USP18: variants seen among roughly 807,000 people sequenced by gnomAD.
USP18 encodes ubl carboxyl-terminal hydrolase 18.
USP18 carries 11 observed loss-of-function variants against 48.7 expected under a neutral mutation model. The observed-to-expected ratio is 0.23, with a 90% confidence interval of 0.14 to 0.37. The LOEUF (loss-of-function observed/expected upper bound fraction) is 0.37, where lower values mean the gene tolerates loss of function less well. Ranked by LOEUF, USP18 falls within the 10% of genes least tolerant of loss-of-function variation. The pLI is 1.00. For missense variants in USP18, 285 were observed against 436.4 expected (o/e 0.65, Z 3.09); for synonymous variants, 114 against 163.2 (o/e 0.70, Z 2.30).
At chr22:18,157,522 C>T in intron 1 of USP18, 36 bp from the exon 2 acceptor site, 1 of 1,068,808 alleles carries the variant, frequency 9.4e-7, no homozygotes, top group Non-Finnish European at 1.4e-6. Flanking sequence ...ATTCCTCCTT[C>T]TCTAATTCTT....
intron 3 of USP18, 79 bp downstream of exon 3, chr22:18,160,347 C>G (rs1929294108): frequency 1.3e-6 from 2 of 1,558,770 alleles, no homozygotes; most frequent in Non-Finnish European, 8.8e-7. Flanking sequence ...GCTCTGTTGC[C>G]CAGGCTGGAG....
intron 1 of USP18, among the ~76,000 whole-genome samples, chr22:18,154,939 G>T (rs1382598909): frequency 6.6e-6 from 1 of 152,206 alleles, no homozygotes; most frequent in African/African-American, 2.4e-5. Context: ...TTAGGGAGAG[G>T]CTGATTGGTC....
intron 4 of USP18, among the ~76,000 whole-genome samples, chr22:18,162,717 G>A (rs138997173): frequency 0.016 from 2,401 of 152,022 alleles, 22 homozygotes; most frequent in Middle Eastern, 0.031. Flanking sequence ...ATTTGTCATT[G>A]TGTGGACATC....
At chr22:18,152,502 G>A (rs1929026214) in intron 1 of USP18, among the ~76,000 whole-genome samples, 3 of 151,332 alleles carry the variant, frequency 2.0e-5, no homozygotes, top group African/African-American at 7.3e-5. Flanking sequence ...AGCTAAGTTA[G>A]TTTAGTATTT....
intron 1 of USP18, among the ~76,000 whole-genome samples, chr22:18,155,597 C>T (rs974136633): frequency 5.9e-5 from 9 of 152,134 alleles, no homozygotes; most frequent in Non-Finnish European, 1.0e-4. Context: ...TGGGCGTGGG[C>T]TCGGCGGGCC....
At position 18,169,694 on chromosome 22, in the gene USP18, G is replaced by A. The variant is rs953678347; in HGVS notation, c.628-150G>A. 5.9e-6 allele frequency: 6 copies of A among 1,008,516 alleles called. No homozygotes were observed. The African/African-American group carries it at 8.2e-5, about 14-fold the overall frequency. 62.5% of individuals were successfully genotyped at this position (1,008,516 alleles called of 1,614,324 possible). A position where few individuals can be genotyped will look rare whatever the true frequency, so the allele number is the denominator to read the frequency against. On this transcript the variant is annotated intron_variant, in intron 6 of 10. Coordinates refer to ENST00000215794, the MANE Select transcript of USP18 (RefSeq NM_017414.4). Reference sequence around the variant, plus strand: ...GCAGATGCTGCCATGCTTCCGGTTGGCCTGCAGAACCATGGGCCAATCAAA... The same window carrying A: ...GCAGATGCTGCCATGCTTCCGGTTGACCTGCAGAACCATGGGCCAATCAAA...
chr22:18,168,941 A>T (rs1049590142), intron 6 of USP18, among the ~76,000 whole-genome samples: 11 of 152,088 alleles, frequency 7.2e-5, no homozygotes, highest in Admixed American at 7.2e-4. Flanking sequence ...CTGCTCCCTT[A>T]ATAGGAGCCC....
intron 10 of USP18, among the ~76,000 whole-genome samples, chr22:18,175,514 G>C (rs1929760789): frequency 6.7e-6 from 1 of 149,144 alleles, no homozygotes; most frequent in Middle Eastern, 3.4e-3. Flanking sequence ...ATTGAGATCA[G>C]AGGTTGGCAG....
At chr22:18,156,631 G>A (rs1929150125) in intron 1 of USP18, among the ~76,000 whole-genome samples, 1 of 152,082 alleles carries the variant, frequency 6.6e-6, no homozygotes, top group Non-Finnish European at 1.5e-5. Context: ...CCACCGGGAG[G>A]AACGGACATC....
intron 1 of USP18, 92 bp downstream of exon 1, chr22:18,150,314 T>C (rs938796100): frequency 6.6e-6 from 1 of 152,246 alleles, no homozygotes; most frequent in Admixed American, 6.5e-5. Context: ...AATTAAGTAA[T>C]AATTGTGCTC....
intron 4 of USP18, among the ~76,000 whole-genome samples, chr22:18,165,660 TC>T (rs1219499134): frequency 1.3e-5 from 2 of 152,114 alleles, no homozygotes; most frequent in African/African-American, 4.8e-5. Context: ...GGCAAGTTCT[TC>T]CAGCTGATCT....
Position 18,173,250 on chromosome 22 carries a change from G to A in USP18, c.992G>A (p.Trp331Ter), listed in dbSNP as rs1308398075. ...ATCCGGAATGCTGTGGATGGAAAAT[G>A]GTTCTGCTTCAATGACTCCAATATT... The part of the protein sequence containing the change: ...VYIRNAVDGK[W>*]FCFNDSNICL... The change falls in exon 9 of 11, where the codon TGG (tryptophan) becomes TAG (stop). Residue 331 changes from tryptophan (W) to a stop codon, truncating the protein, a stop_gained. Transcript: ENST00000215794. LOFTEE classifies it high-confidence loss of function. 6.3e-7 allele frequency: 1 copy of A among 1,599,632 alleles called. No homozygotes were observed. Among genetic ancestry groups the A allele is most frequent in the Non-Finnish European group, 8.5e-7 (1 of 1,172,070 alleles).
intron 1 of USP18, among the ~76,000 whole-genome samples, chr22:18,156,917 A>G (rs1021233218): frequency 6.6e-6 from 1 of 151,994 alleles, no homozygotes; most frequent in Admixed American, 6.6e-5. Flanking sequence ...TCTTCCCCCA[A>G]GCAAACAGTG....
At chr22:18,150,852 T>C (rs1569207054) in intron 1 of USP18, among the ~76,000 whole-genome samples, 1 of 152,230 alleles carries the variant, frequency 6.6e-6, no homozygotes, top group Non-Finnish European at 1.5e-5. Context: ...CTCGGGAGGC[T>C]GAGGCAGGAG....
At chr22:18,155,056 T>C (rs1254456371) in intron 1 of USP18, among the ~76,000 whole-genome samples, 2 of 152,240 alleles carry the variant, frequency 1.3e-5, no homozygotes, top group Non-Finnish European at 2.9e-5. Context: ...GACACAGCCC[T>C]GGGTTATGCC....
intron 6 of USP18, among the ~76,000 whole-genome samples, chr22:18,168,693 T>C (rs1250913516): frequency 6.6e-6 from 1 of 152,058 alleles, no homozygotes; most frequent in Non-Finnish European, 1.5e-5. Flanking sequence ...TCCCCAATTA[T>C]CTCTCAAAGT....
rs1021958638 is a variant in USP18 at position 18,150,194 on chromosome 22, G to C, written c.-135G>C. Reference sequence around the variant, plus strand: ...CAGTCCCGACGTGGAACTCAGCAGCGGAGGCTGGACGCTTGCATGGCGCTT... The same window carrying C: ...CAGTCCCGACGTGGAACTCAGCAGCCGAGGCTGGACGCTTGCATGGCGCTT... On this transcript the variant is annotated 5_prime_UTR_variant, in exon 1 of 11. Coordinates refer to ENST00000215794, the MANE Select transcript of USP18 (RefSeq NM_017414.4). 6.6e-6 allele frequency: 1 copy of C among 152,244 alleles called. No homozygotes were observed. The highest frequency in any genetic ancestry group is 1.5e-5 in the Non-Finnish European group (1 of 68,050). 9.4% of individuals were successfully genotyped at this position (152,244 alleles called of 1,614,324 possible).
intron 4 of USP18, among the ~76,000 whole-genome samples, chr22:18,165,900 C>A (rs934336508): frequency 6.6e-6 from 1 of 151,612 alleles, no homozygotes. Context: ...CTCACTCCCC[C>A]CACCCCCACA....
chr22:18,160,827 C>G (rs1386698743), intron 3 of USP18, among the ~76,000 whole-genome samples: 1 of 144,016 alleles, frequency 6.9e-6, no homozygotes, highest in Admixed American at 7.1e-5. Flanking sequence ...TGGAGTGCGA[C>G]GGTGCAATCT....
Sources: allele counts gnomAD v4.1 joint callset (sites outside exome capture counted in the v4.1 genomes callset), GRCh38; gene constraint gnomAD v4.1.1; transcripts MANE v1.5; gene names NCBI Gene and HGNC (gene_info 2026-07-23, HGNC 2026-07-21).